NUP155: variants seen among roughly 807,000 people sequenced by gnomAD.
NUP155 encodes the protein nuclear pore complex protein Nup155.
In NUP155, 71 loss-of-function variants were observed where a neutral mutation model predicts 180.4. That is an observed-to-expected ratio of 0.39 (90% confidence interval 0.33 to 0.48). The LOEUF (loss-of-function observed/expected upper bound fraction) is 0.48. Among genes scored for constraint, NUP155 ranks in the 20% least tolerant of loss-of-function variants. The pLI is 0.91. For synonymous variants in NUP155, 582 were observed against 559.5 expected, an observed-to-expected ratio of 1.04 and a Z score of -0.57; for missense variants, 1,553 against 1,648.9, an observed-to-expected ratio of 0.94 and a Z score of 1.01.
intron 9 of NUP155, among the ~76,000 whole-genome samples, chr5:37,342,936 C>T (rs7716701): frequency 0.21 from 31,328 of 152,104 alleles, 3,611 homozygotes; most frequent in African/African-American, 0.31. Context: ...AGGGTTTCAT[C>T]GTGTTGGCCA....
intron 20 of NUP155, among the ~76,000 whole-genome samples, chr5:37,322,548 A>C (rs532274088): frequency 2.6e-5 from 4 of 152,166 alleles, no homozygotes; most frequent in African/African-American, 9.6e-5. Flanking sequence ...TCTACTAAAA[A>C]TACAAAGAAT....
intron 12 of NUP155, among the ~76,000 whole-genome samples, chr5:37,334,757 A>C (rs1745208305): frequency 6.6e-6 from 1 of 152,222 alleles, no homozygotes; most frequent in African/African-American, 2.4e-5. Flanking sequence ...TTCTCAAGAT[A>C]AACTATAAAT....
At position 37,295,741 on chromosome 5, in the gene NUP155, G is replaced by A. The variant is rs955475921; in HGVS notation, c.3794-1276C>T. Among the ~76,000 whole-genome samples the A allele has an allele frequency of 3.3e-4, 48 of 147,678 alleles. No individual in the cohort carries two copies. The South Asian group carries it at 7.9e-3, about 24-fold the overall frequency. On this transcript the variant is annotated intron_variant, in intron 32 of 34. Transcript: ENST00000231498. Reference sequence around the variant, plus strand: ...AGGAGCGTCTCTGCCCGGCCACCCCGTCTGAGAAGTGAGGAGACCCTCTGC... The same window carrying A: ...AGGAGCGTCTCTGCCCGGCCACCCCATCTGAGAAGTGAGGAGACCCTCTGC...
chr5:37,305,151 G>A lies in NUP155; in HGVS notation c.2963C>T (p.Ala988Val), dbSNP rs930987393. The change falls in exon 26 of 35, where the codon GCC (alanine) becomes GTC (valine). Residue 988 changes from alanine to valine, a missense_variant. Coordinates refer to ENST00000231498, the MANE Select transcript of NUP155 (RefSeq NM_153485.3). ...GGGTACACTGGGAGACTGAGGAGCG[G>A]CCTTACTTTGATTTACCAGTTCTTG... ...TLQELVNQSK[A>V]APQSPSVPKK... 8.7e-6 allele frequency: 14 copies of A among 1,613,506 alleles called. No homozygotes were observed. Among genetic ancestry groups the A allele is most frequent in the Non-Finnish European group, 1.7e-6 (2 of 1,179,696 alleles).
intron 19 of NUP155, 72 bp downstream of exon 19, chr5:37,325,829 G>A (rs1379912785): frequency 1.3e-6 from 1 of 790,848 alleles, no homozygotes; most frequent in Non-Finnish European, 2.1e-6. Flanking sequence ...ATCAGGAAAT[G>A]TGAAACAATC....
intron 25 of NUP155, among the ~76,000 whole-genome samples, chr5:37,306,486 G>C (rs181636944): frequency 3.3e-5 from 5 of 152,076 alleles, no homozygotes; most frequent in African/African-American, 1.2e-4. Context: ...TCTTTGTTCC[G>C]AGACGGAGCC....
intron 14 of NUP155, among the ~76,000 whole-genome samples, chr5:37,331,148 CAAAAA>C (rs543141869): frequency 7.5e-6 from 1 of 133,582 alleles, no homozygotes; most frequent in African/African-American, 2.6e-5. Context: ...GACTCTGTCT[CAAAAA>C]AAAAAAAGAA....
In NUP155 at chr5:37,289,536, C is replaced by G. The variant is rs1742147968; in HGVS notation, c.*2364G>C. On this transcript the variant is annotated 3_prime_UTR_variant, in exon 35 of 35. Coordinates refer to ENST00000231498, the MANE Select transcript of NUP155 (RefSeq NM_153485.3). Reference sequence around the variant, plus strand: ...AAAATGAGGGGACCTAATTTCTTCTCTCTTAGGAATCTTACCCCCCAAAAG... The same window carrying G: ...AAAATGAGGGGACCTAATTTCTTCTGTCTTAGGAATCTTACCCCCCAAAAG... The G allele has an allele frequency of 1.3e-5, 2 of 152,296 alleles. No homozygotes were observed. The highest frequency in any genetic ancestry group is 2.9e-5 in the Non-Finnish European group (2 of 68,028). 9.4% of individuals were successfully genotyped at this position (152,296 alleles called of 1,614,324 possible).
At chr5:37,321,498 C>A (rs1744241249) in intron 20 of NUP155, among the ~76,000 whole-genome samples, 3 of 152,082 alleles carry the variant, frequency 2.0e-5, no homozygotes, top group Non-Finnish European at 4.4e-5. Context: ...GCGGGCGGAG[C>A]ACGAAGTCAA....
chr5:37,346,770 C>T (rs904333734), intron 9 of NUP155, among the ~76,000 whole-genome samples: 1 of 152,076 alleles, frequency 6.6e-6, no homozygotes, highest in African/African-American at 2.4e-5. Context: ...ACTTGGCTTC[C>T]GCGTTAGGTT....
At chr5:37,329,811 A>G (rs2150965545) in intron 15 of NUP155, among the ~76,000 whole-genome samples, 1 of 152,338 alleles carries the variant, frequency 6.6e-6, no homozygotes, top group Non-Finnish European at 1.5e-5. Context: ...ACAAGAAGTT[A>G]CAGAACAGAA....
intron 29 of NUP155, among the ~76,000 whole-genome samples, chr5:37,302,068 T>C (rs1742892454): frequency 6.6e-6 from 1 of 151,022 alleles, no homozygotes; most frequent in African/African-American, 2.5e-5. Context: ...TTTTTGTGAA[T>C]AAGAAACAAA....
rs555584164 is a variant in NUP155, at chr5:37,339,510, C to A, written c.1246+1580G>T. On this transcript the variant is annotated intron_variant, in intron 11 of 34. Coordinates refer to ENST00000231498, the MANE Select transcript of NUP155 (RefSeq NM_153485.3). ...AGGAGTGGTGGCACATGCCTGTAGTCCCAACTCCTCAGGAGGTTGAGCAAG... is the reference window on the plus strand; with the variant it reads ...AGGAGTGGTGGCACATGCCTGTAGTACCAACTCCTCAGGAGGTTGAGCAAG... Among the ~76,000 whole-genome samples, 5 of 152,024 alleles carry A rather than the reference C, an allele frequency of 3.3e-5. No homozygotes were observed. In the East Asian group the frequency reaches 9.7e-4, roughly 30 times the overall value.
chr5:37,320,284 C>T (rs941053238), intron 20 of NUP155, among the ~76,000 whole-genome samples: 1 of 151,984 alleles, frequency 6.6e-6, no homozygotes, highest in Non-Finnish European at 1.5e-5. Context: ...TTGAGACCAG[C>T]CTGACCAACA....
In NUP155 at chr5:37,289,717, C is replaced by G. The variant is rs972950986; in HGVS notation, c.*2183G>C. ...AAACATGTACTTTCAATGTTGTGAG[C>G]TGAGTATATATAACAACATATTGCT... On this transcript the variant is annotated 3_prime_UTR_variant, in exon 35 of 35. Coordinates refer to ENST00000231498, the MANE Select transcript of NUP155 (RefSeq NM_153485.3). 6.6e-6 allele frequency: 1 copy of G among 152,138 alleles called. No individual in the cohort carries two copies. The highest frequency in any genetic ancestry group is 2.4e-5 in the African/African-American group (1 of 41,416). The allele number at this position is 152,138 out of a possible 1,614,324, so 9.4% of individuals were successfully genotyped here.
At chr5:37,330,370 T>G (rs16903585) in intron 14 of NUP155, among the ~76,000 whole-genome samples, 8,315 of 152,276 alleles carry the variant, frequency 0.055, 725 homozygotes, top group African/African-American at 0.18. Context: ...GATTCTGACT[T>G]AGTTTCCGGC....
intron 14 of NUP155, among the ~76,000 whole-genome samples, chr5:37,330,579 G>T (rs763026899): frequency 1.3e-4 from 19 of 151,972 alleles, no homozygotes; most frequent in African/African-American, 2.4e-5. Flanking sequence ...GGTGGAGCTG[G>T]GATTTTTAAC....
intron 32 of NUP155, among the ~76,000 whole-genome samples, chr5:37,296,445 A>T (rs867652003): frequency 2.0e-5 from 3 of 151,926 alleles, no homozygotes; most frequent in Non-Finnish European, 4.4e-5. Context: ...GGGCGGTGCA[A>T]GATGTGCTTT....
intron 16 of NUP155, 27 bp from the exon 17 acceptor site, chr5:37,328,447 A>C: frequency 6.7e-7 from 1 of 1,486,404 alleles, no homozygotes; most frequent in South Asian, 1.1e-5. Flanking sequence ...GAATATAAAG[A>C]TTTAGAAAAG....
Sources: allele counts gnomAD v4.1 joint callset (sites outside exome capture counted in the v4.1 genomes callset), GRCh38; gene constraint gnomAD v4.1.1; transcripts MANE v1.5; gene names NCBI Gene and HGNC (gene_info 2026-07-23, HGNC 2026-07-21).